The following OSBPL6 variants were observed in gnomAD, a reference collection of about 807,000 sequenced individuals.
OSBPL6 encodes oxysterol-binding protein-related protein 6.
Under a neutral mutation model 125.8 loss-of-function variants are expected in OSBPL6, and 49 were observed. The ratio of observed to expected loss-of-function variants is 0.39; its 90% CI spans 0.31 to 0.49. OSBPL6 has a LOEUF of 0.49. Ranked by LOEUF, OSBPL6 falls within the 20% of genes least tolerant of loss-of-function variation. The pLI is 0.88. For missense variants in OSBPL6, 986 were observed against 1,135.4 expected (o/e 0.87, Z 1.89); for synonymous variants, 394 against 391.8 (o/e 1.01, Z -0.07).
chr2:178,336,829 C>T (rs757777090), intron 9 of OSBPL6, among the ~76,000 whole-genome samples: 1 of 152,208 alleles, frequency 6.6e-6, no homozygotes, highest in Non-Finnish European at 1.5e-5. Flanking sequence ...ACTGCTCTGT[C>T]GTCCTCACTA....
chr2:178,314,418 T>C (rs1375939685), intron 3 of OSBPL6, among the ~76,000 whole-genome samples: 1 of 152,178 alleles, frequency 6.6e-6, no homozygotes, highest in African/African-American at 2.4e-5. Flanking sequence ...AACACTAACC[T>C]GATCTGAAAA....
rs1684564627 is a variant in OSBPL6, at chr2:178,284,982, T to C, written c.-295T>C. ...GAAGGATATTAAGGAGCCACCCCTA[T>C]AATTTACCCAGATAGCCCCAGCAAG... On this transcript the variant is annotated 5_prime_UTR_variant, in exon 2 of 25. Transcript: ENST00000190611. The C allele has an allele frequency of 2.5e-6, 1 of 398,392 alleles. No individual in the cohort carries two copies. The highest frequency in any genetic ancestry group is 4.4e-6 in the Non-Finnish European group (1 of 225,990). The allele number at this position is 398,392 out of a possible 1,614,324, so 24.7% of individuals were successfully genotyped here. A position where few individuals can be genotyped will look rare whatever the true frequency, so the allele number is the denominator to read the frequency against.
At position 178,383,123 on chromosome 2, in the gene OSBPL6, T is replaced by C; in HGVS notation, c.1721T>C (p.Ile574Thr). ...ACCAGTAACATTAACCTGTGGAATA[T>C]CTTGAGGAACAACATTGGTAAAGAC... ...PDTSNINLWN[I>T]LRNNIGKDLS... The change falls in exon 17 of 25, where the codon ATC (isoleucine) becomes ACC (threonine). Residue 574 changes from isoleucine to threonine, a missense_variant. Physicochemically the swap from Ile to Thr is moderately conservative, Grantham distance 89. This residue lies in a region of OSBPL6 where 843 missense variants were observed against 997.3 expected (regional missense o/e 0.85). Transcript: ENST00000190611. 1 of 1,614,160 alleles carries C rather than the reference T, an allele frequency of 6.2e-7. No individual in the cohort carries two copies. The highest frequency in any genetic ancestry group is 8.5e-7 in the Non-Finnish European group (1 of 1,180,034).
chr2:178,211,348 G>T (rs556152329), intron 1 of OSBPL6, among the ~76,000 whole-genome samples: 8 of 152,300 alleles, frequency 5.3e-5, no homozygotes, highest in African/African-American at 1.4e-4. Flanking sequence ...TAAAACCCCT[G>T]TATGCAAATA....
rs140548492 is a variant in OSBPL6 at position 178,208,192 on chromosome 2, C to T, written c.-351+13518C>T. ...TCCAGCTACTTGGGAGGCTGAGGCA[C>T]GAGAATTGCTTCAACCCCAGCAGGT... On this transcript the variant is annotated intron_variant, in intron 1 of 24. Coordinates refer to ENST00000190611, the MANE Select transcript of OSBPL6 (RefSeq NM_032523.4). 1.8e-3 allele frequency among the ~76,000 whole-genome samples: 264 copies of T among 150,682 alleles called. 1 individual carries two copies. Among genetic ancestry groups the T allele is most frequent in the Middle Eastern group, 0.01 (3 of 288 alleles).
intron 1 of OSBPL6, among the ~76,000 whole-genome samples, chr2:178,247,000 T>G: frequency 7.5e-6 from 1 of 134,122 alleles, no homozygotes; most frequent in East Asian, 2.0e-4. Flanking sequence ...CATCTCCCTG[T>G]AACCTGCCCC....
At chr2:178,294,717 T>A (rs928742846) in intron 2 of OSBPL6, among the ~76,000 whole-genome samples, 10 of 41,710 alleles carry the variant, frequency 2.4e-4, no homozygotes, top group African/African-American at 7.4e-4. Flanking sequence ...ACCACAGCTA[T>A]TTTTTTTTTT....
In OSBPL6 at chr2:178,397,465, T is replaced by C. The variant is rs1575067556; in HGVS notation, c.*1906T>C. 1 of 152,358 alleles carries C rather than the reference T, an allele frequency of 6.6e-6. No homozygotes were observed. The highest frequency in any genetic ancestry group is 1.5e-5 in the Non-Finnish European group (1 of 68,030). 9.4% of individuals were successfully genotyped at this position (152,358 alleles called of 1,614,324 possible). A position where few individuals can be genotyped will look rare whatever the true frequency, so the allele number is the denominator to read the frequency against. ...TCTGCTCATTCATCTTGATGTTCTT[T>C]TTCTGCATCCTGAGATACATGTCGT... On this transcript the variant is annotated 3_prime_UTR_variant, in exon 25 of 25. Coordinates refer to ENST00000190611, the MANE Select transcript of OSBPL6 (RefSeq NM_032523.4).
intron 2 of OSBPL6, among the ~76,000 whole-genome samples, chr2:178,299,481 A>G (rs866937158): frequency 3.9e-5 from 6 of 152,140 alleles, no homozygotes; most frequent in Admixed American, 2.0e-4. Context: ...TTATTCTCAT[A>G]TGTTTACTCT....
At chr2:178,235,398 C>CTTTTTTTTTTTT (rs540269327) in intron 1 of OSBPL6, among the ~76,000 whole-genome samples, 56 of 78,038 alleles carry the variant, frequency 7.2e-4, no homozygotes, top group Non-Finnish European at 1.3e-3. Context: ...CTTTTCTTTT[C>CTTTTTTTTTTTT]TTTTTTTTTT....
intron 1 of OSBPL6, among the ~76,000 whole-genome samples, chr2:178,248,313 T>C (rs1193037471): frequency 1.3e-5 from 2 of 152,220 alleles, no homozygotes; most frequent in Non-Finnish European, 2.9e-5. Flanking sequence ...TAAAAATGTT[T>C]AATAATTTGT....
chr2:178,247,019 C>CA (rs1259868242), intron 1 of OSBPL6, among the ~76,000 whole-genome samples: 48 of 150,396 alleles, frequency 3.2e-4, no homozygotes, highest in African/African-American at 1.2e-3. Context: ...CCTCCCCACC[C>CA]CCCCATGTTA....
intron 1 of OSBPL6, among the ~76,000 whole-genome samples, chr2:178,281,584 G>A (rs1468142424): frequency 2.0e-5 from 3 of 152,016 alleles, no homozygotes; most frequent in Non-Finnish European, 2.9e-5. Context: ...AGTTGTTGAC[G>A]TGCAGTCTTA....
chr2:178,370,970 T>C (rs1412015887), intron 13 of OSBPL6, among the ~76,000 whole-genome samples: 1 of 152,166 alleles, frequency 6.6e-6, no homozygotes, highest in Non-Finnish European at 1.5e-5. Context: ...TTTAGCTACT[T>C]TGTTTTTACC....
chr2:178,368,479 G>T (rs1693063990), intron 13 of OSBPL6, among the ~76,000 whole-genome samples: 2 of 152,008 alleles, frequency 1.3e-5, no homozygotes, highest in African/African-American at 4.8e-5. Context: ...TTAACATCTG[G>T]CTTGAAATCA....
intron 1 of OSBPL6, among the ~76,000 whole-genome samples, chr2:178,218,376 A>T (rs949913549): frequency 1.3e-5 from 2 of 148,646 alleles, no homozygotes; most frequent in Non-Finnish European, 3.0e-5. Context: ...GCAAACAGAT[A>T]AATCTGTAAG....
chr2:178,363,510 G>T (rs1164881715), intron 13 of OSBPL6, among the ~76,000 whole-genome samples: 2 of 152,176 alleles, frequency 1.3e-5, no homozygotes, highest in Non-Finnish European at 2.9e-5. Context: ...GCAGTACATG[G>T]TGGTGCACAT....
Position 178,383,235 on chromosome 2 carries a change from C to T in OSBPL6, c.1833C>T (p.Leu611=), listed in dbSNP as rs1360622137. ...GTGAGGAAATGGAATACAGCGAGCT[C>T]CTGGACAAGGCTTCGGAAACTGATG... The part of the protein sequence containing the change: ...HLCEEMEYSE[L]LDKASETDDP... The change falls in exon 17 of 25, where the codon CTC becomes CTT. Residue 611 remains leucine (L), a synonymous_variant. Coordinates refer to ENST00000190611, the MANE Select transcript of OSBPL6 (RefSeq NM_032523.4). 2 of 1,614,068 alleles carry T rather than the reference C, an allele frequency of 1.2e-6. No individual in the cohort carries two copies. The highest frequency in any genetic ancestry group is 1.7e-5 in the Admixed American group (1 of 59,994).
In OSBPL6 at chr2:178,208,355, T is replaced by G. The variant is rs184157306; in HGVS notation, c.-351+13681T>G. 8.6e-5 allele frequency among the ~76,000 whole-genome samples: 13 copies of G among 151,974 alleles called. No individual in the cohort carries two copies. The East Asian group carries it at 2.5e-3, about 29-fold the overall frequency. ...CAATAGAATATTAATTAATACTTGC[T>G]TATCATCAAATAGTTGAGAAAGAAA... On this transcript the variant is annotated intron_variant, in intron 1 of 24. Transcript: ENST00000190611.
Sources: allele counts gnomAD v4.1 joint callset (sites outside exome capture counted in the v4.1 genomes callset), GRCh38; gene constraint gnomAD v4.1.1; regional missense constraint gnomAD v4.1.1; transcripts MANE v1.5; gene names NCBI Gene and HGNC (gene_info 2026-07-23, HGNC 2026-07-21).